CEACAM21: variants seen among roughly 807,000 people sequenced by gnomAD.
CEACAM21 encodes cell adhesion molecule CEACAM21.
Under a neutral mutation model 33.2 loss-of-function variants are expected in CEACAM21, and 38 were observed. The observed-to-expected ratio is 1.14, with a 90% CI of 0.88 to 1.50. CEACAM21 has a LOEUF of 1.50. Ranked by LOEUF, CEACAM21 falls within the 40% of genes most tolerant of loss-of-function variation. The pLI is 0.00. For synonymous variants in CEACAM21, 156 were observed against 143.0 expected (o/e 1.09, Z -0.65); for missense variants, 385 against 364.6 (o/e 1.06, Z -0.46).
At chr19:41,566,002 A>G (rs2042243022) in intron 2 of CEACAM21, among the ~76,000 whole-genome samples, 1 of 151,958 alleles carries the variant, frequency 6.6e-6, no homozygotes, top group African/African-American at 2.4e-5. Flanking sequence ...TTGATGGCTG[A>G]ACTCTCATGA....
chr19:41,551,999 A>C (rs1373594994), intron 1 of CEACAM21: 1 of 152,124 alleles, frequency 6.6e-6, no homozygotes, highest in Admixed American at 6.5e-5. Flanking sequence ...GGAGGAAGAG[A>C]GTTTTTTATT....
At chr19:41,552,525 A>G (rs2041275258) in intron 1 of CEACAM21, among the ~76,000 whole-genome samples, 1 of 152,210 alleles carries the variant, frequency 6.6e-6, no homozygotes, top group Non-Finnish European at 1.5e-5. Context: ...TTAACCACTC[A>G]GTCAGTACTG....
At position 41,585,852 on chromosome 19, in the gene CEACAM21, C is replaced by T. The variant is rs782238806; in HGVS notation, c.863C>T (p.Ser288Phe). Residue 288 changes from serine to phenylalanine, a missense_variant, in exon 6 of 7, where the codon TCT becomes TTT. Transcript: ENST00000401445. Reference sequence around the variant, plus strand: ...TCTCTGTCCCCAGGCCATGGACCCTCTGACAGCTCCATCTCCTAGGTAAGA... The same window carrying T: ...TCTCTGTCCCCAGGCCATGGACCCTTTGACAGCTCCATCTCCTAGGTAAGA... ...PPASTPGHGP[S>F]DSSIS The T allele has an allele frequency of 9.7e-5, 157 of 1,612,936 alleles. 1 individual carries two copies. The highest frequency in any genetic ancestry group is 1.3e-4 in the Non-Finnish European group (151 of 1,179,536).
intron 1 of CEACAM21, among the ~76,000 whole-genome samples, chr19:41,557,190 A>T (rs1045370739): frequency 7.9e-5 from 12 of 152,232 alleles, no homozygotes; most frequent in Admixed American, 3.9e-4. Context: ...AATTACTCCC[A>T]GAATTCGGCT....
intron 1 of CEACAM21, chr19:41,552,204 C>T (rs2041253703): frequency 6.6e-6 from 1 of 152,144 alleles, no homozygotes; most frequent in African/African-American, 2.4e-5. Flanking sequence ...TCTGGAGCCT[C>T]AGTACATTTA....
At chr19:41,586,351 C>T in intron 6 of CEACAM21, 113 bp from the exon 7 acceptor site, 1 of 607,880 alleles carries the variant, frequency 1.6e-6, no homozygotes, top group Non-Finnish European at 3.1e-6. Flanking sequence ...GCAGGAACCC[C>T]CTGAGCACAG....
chr19:41,554,253 A>T (rs1416381282), intron 1 of CEACAM21, among the ~76,000 whole-genome samples: 1 of 152,014 alleles, frequency 6.6e-6, no homozygotes, highest in Non-Finnish European at 1.5e-5. Context: ...CAAAATTTGC[A>T]TTTAAGAGCA....
At chr19:41,552,563 G>T (rs1280389873) in intron 1 of CEACAM21, among the ~76,000 whole-genome samples, 1 of 152,158 alleles carries the variant, frequency 6.6e-6, no homozygotes, top group East Asian at 1.9e-4. Context: ...ACCTCCATTA[G>T]TGAAATCTGG....
Position 41,577,383 on chromosome 19 carries a change from T to A in CEACAM21, c.248T>A (p.Val83Glu). 2 of 1,612,766 alleles carry A rather than the reference T, an allele frequency of 1.2e-6. No individual in the cohort carries two copies. The highest frequency in any genetic ancestry group is 1.7e-6 in the Non-Finnish European group (2 of 1,179,952). ...CCCAACCAGCTAATCGCAGCATATG[T>A]AATAGACACTCACGTTAGGACTCCA... is the stretch of plus-strand genomic sequence containing the variant. The part of the protein sequence containing the change: ...VEPNQLIAAY[V>E]IDTHVRTPGP... Residue 83 changes from valine (V) to glutamate (E), a missense_variant, in exon 2 of 7, where the codon GTA (valine) becomes GAA (glutamate). Physicochemically the swap from Val to Glu is moderately radical, Grantham distance 121 (BLOSUM62 -2). Transcript: ENST00000401445.
At chr19:41,556,677 C>G (rs1243824602) in intron 1 of CEACAM21, among the ~76,000 whole-genome samples, 1 of 152,128 alleles carries the variant, frequency 6.6e-6, no homozygotes, top group African/African-American at 2.4e-5. Flanking sequence ...GCGCTGGGGC[C>G]CTGACTGGGA....
chr19:41,583,763 A>G (rs537657403), intron 3 of CEACAM21, among the ~76,000 whole-genome samples: 1 of 152,328 alleles, frequency 6.6e-6, no homozygotes, highest in African/African-American at 2.4e-5. Context: ...GGTCCCTCCC[A>G]TAACACATGG....
chr19:41,585,726 C>A, intron 5 of CEACAM21, 114 bp from the exon 6 acceptor site: 1 of 1,209,610 alleles, frequency 8.3e-7, no homozygotes, highest in South Asian at 1.3e-5. Flanking sequence ...CTAAAATAAC[C>A]TGAGAAAGGC....
chr19:41,576,263 G>A lies in CEACAM21; in HGVS notation c.-12G>A. 1 of 1,613,928 alleles carries A rather than the reference G, an allele frequency of 6.2e-7. No homozygotes were observed. The highest frequency in any genetic ancestry group is 1.1e-5 in the South Asian group (1 of 91,076). ...CTCTCCACAGAGGAGGACAGAGCAG[G>A]CAGCAGAGACCATGGGGCCCCCCTC... is the stretch of plus-strand genomic sequence containing the variant. On this transcript the variant is annotated 5_prime_UTR_variant, in exon 1 of 7. Transcript: ENST00000401445.
intron 3 of CEACAM21, 73 bp from the exon 4 acceptor site, chr19:41,584,274 C>A: frequency 7.7e-7 from 1 of 1,299,570 alleles, no homozygotes; most frequent in Non-Finnish European, 1.1e-6. Context: ...GACCATGCCC[C>A]TGCCCTGCAA....
chr19:41,580,737 T>C (rs2122261527), intron 3 of CEACAM21, among the ~76,000 whole-genome samples: 1 of 152,334 alleles, frequency 6.6e-6, no homozygotes, highest in East Asian at 1.9e-4. Flanking sequence ...CCCAGTCCTT[T>C]TGGGGTTCAT....
intron 1 of CEACAM21, among the ~76,000 whole-genome samples, chr19:41,553,397 C>T (rs937170688): frequency 1.3e-5 from 2 of 152,090 alleles, no homozygotes; most frequent in Non-Finnish European, 2.9e-5. Context: ...AGCCACTGCA[C>T]CCGACCCCAG....
intron 1 of CEACAM21, among the ~76,000 whole-genome samples, chr19:41,553,338 A>G (rs982795803): frequency 1.6e-5 from 2 of 124,128 alleles, no homozygotes; most frequent in African/African-American, 2.6e-5. Flanking sequence ...TCCTGACCTC[A>G]GATGATCTGC....
chr19:41,558,704 T>C (rs2041690988), intron 1 of CEACAM21, among the ~76,000 whole-genome samples: 1 of 152,166 alleles, frequency 6.6e-6, no homozygotes, highest in Non-Finnish European at 1.5e-5. Flanking sequence ...TAAATGTCTC[T>C]AGTATAAAAA....
chr19:41,554,118 TC>T (rs2041394075), intron 1 of CEACAM21, among the ~76,000 whole-genome samples: 1 of 152,042 alleles, frequency 6.6e-6, no homozygotes, highest in African/African-American at 2.4e-5. Flanking sequence ...AAAGATCACT[TC>T]AGCCTCCTAT....
Sources: allele counts gnomAD v4.1 joint callset (sites outside exome capture counted in the v4.1 genomes callset), GRCh38; gene constraint gnomAD v4.1.1; transcripts MANE v1.5; gene names NCBI Gene and HGNC (gene_info 2026-07-23, HGNC 2026-07-21).